Variants in LMBRD2 observed in about 807,000 individuals in gnomAD.
LMBRD2 encodes the protein G protein-coupled receptor-associated protein LMBRD2.
A neutral mutation model predicts 94.4 loss-of-function variants in LMBRD2; 55 were observed. That is an observed-to-expected ratio of 0.58 (90% CI 0.47 to 0.73). The LOEUF (loss-of-function observed/expected upper bound fraction) is 0.73, where lower values mean the gene tolerates loss of function less well. LMBRD2 is among the 30% of genes least tolerant of loss of function. LMBRD2 has a pLI of 0.00. For missense variants in LMBRD2, 640 were observed against 831.9 expected (o/e 0.77, Z 2.84); for synonymous variants, 246 against 272.4 (o/e 0.90, Z 0.95).
intron 6 of LMBRD2, among the ~76,000 whole-genome samples, chr5:36,134,229 A>G (rs1237428814): frequency 6.6e-6 from 1 of 152,160 alleles, no homozygotes. Context: ...TCACTCCTAC[A>G]TTTAAATCAA....
intron 1 of LMBRD2, among the ~76,000 whole-genome samples, chr5:36,150,357 T>G (rs1191169429): frequency 6.6e-6 from 1 of 152,224 alleles, no homozygotes; most frequent in Non-Finnish European, 1.5e-5. Context: ...ATCTATGAGA[T>G]CTATATCTGA....
intron 6 of LMBRD2, among the ~76,000 whole-genome samples, chr5:36,126,399 T>G (rs1453745924): frequency 1.3e-5 from 2 of 152,242 alleles, no homozygotes; most frequent in Non-Finnish European, 2.9e-5. Context: ...ATAATTTTAA[T>G]AAAGCATGGA....
intron 6 of LMBRD2, among the ~76,000 whole-genome samples, chr5:36,125,293 G>C (rs909848398): frequency 4.6e-5 from 7 of 152,196 alleles, no homozygotes; most frequent in Admixed American, 2.0e-4. Flanking sequence ...AGAGAAGTGA[G>C]CAGGATATTT....
Position 36,142,680 on chromosome 5 carries a change from A to G in LMBRD2, c.175-81T>C, listed in dbSNP as rs962888785. The G allele has an allele frequency of 6.3e-6, 5 of 789,886 alleles. No homozygotes were observed. In the African/African-American group the frequency reaches 6.9e-5, roughly 11 times the overall value. The allele number at this position is 789,886 out of a possible 1,614,324, so 48.9% of individuals were successfully genotyped here. On this transcript the variant is annotated intron_variant, in intron 2 of 17. Coordinates refer to ENST00000296603, the MANE Select transcript of LMBRD2 (RefSeq NM_001007527.2). ...AAAGGACATCAGAGTTTATAAATCT[A>G]TCTATCTAAACTTACCTTCTTGGCT...
rs191711543 is a variant in LMBRD2 at position 36,122,950 on chromosome 5, C to T, written c.834G>A (p.Glu278=). ...TGTTCCTACCCATTTTTTCCTGATACTCTGTAGGGCACTAAAAAAAAAAAA... is the reference window on the plus strand; with the variant it reads ...TGTTCCTACCCATTTTTTCCTGATATTCTGTAGGGCACTAAAAAAAAAAAA... ...VDTILKKCPT[E]YQEKMGRNMD... Residue 278 remains glutamate (E), a synonymous_variant, in exon 8 of 18, where the codon GAG becomes GAA. Transcript: ENST00000296603. 1.3e-4 allele frequency: 194 copies of T among 1,508,172 alleles called. 1 individual carries two copies. In the East Asian group the frequency reaches 4.4e-3, roughly 34 times the overall value. 93.4% of individuals were successfully genotyped at this position (1,508,172 alleles called of 1,614,324 possible). A position where few individuals can be genotyped will look rare whatever the true frequency, so the allele number is the denominator to read the frequency against.
intron 16 of LMBRD2, 145 bp downstream of exon 16, chr5:36,108,389 A>G: frequency 2.1e-6 from 1 of 478,520 alleles, no homozygotes; most frequent in Non-Finnish European, 3.8e-6. Context: ...ATACTGAGGA[A>G]TGCAGAAAAA....
At chr5:36,138,352 T>C (rs1744320554) in intron 4 of LMBRD2, among the ~76,000 whole-genome samples, 1 of 152,166 alleles carries the variant, frequency 6.6e-6, no homozygotes, top group Admixed American at 6.5e-5. Flanking sequence ...CATATACATA[T>C]AATGGGGTAT....
chr5:36,105,300 T>A (rs776522011), intron 16 of LMBRD2, 103 bp from the exon 17 acceptor site: 36 of 1,000,104 alleles, frequency 3.6e-5, no homozygotes, highest in Non-Finnish European at 4.9e-5. Context: ...CCAAGGAATC[T>A]GAAGACAAAG....
chr5:36,135,142 A>G (rs1744240480), intron 6 of LMBRD2, among the ~76,000 whole-genome samples: 1 of 152,158 alleles, frequency 6.6e-6, no homozygotes, highest in Non-Finnish European at 1.5e-5. Context: ...CTGGCCCTTT[A>G]CAGAAAAGTT....
chr5:36,121,443 C>T (rs927935512), intron 9 of LMBRD2, among the ~76,000 whole-genome samples: 17 of 152,284 alleles, frequency 1.1e-4, no homozygotes, highest in African/African-American at 4.1e-4. Flanking sequence ...AATACTATGA[C>T]ACTTTGGTAC....
intron 1 of LMBRD2, among the ~76,000 whole-genome samples, chr5:36,150,975 T>A (rs1028947767): frequency 1.3e-5 from 2 of 152,264 alleles, no homozygotes; most frequent in Non-Finnish European, 2.9e-5. Context: ...ATGAACTTTA[T>A]AAATCTTCAT....
intron 6 of LMBRD2, among the ~76,000 whole-genome samples, chr5:36,126,354 T>C (rs1316400980): frequency 6.6e-6 from 1 of 152,234 alleles, no homozygotes; most frequent in Non-Finnish European, 1.5e-5. Context: ...ACATTTGCTA[T>C]ATCTATTATA....
intron 10 of LMBRD2, among the ~76,000 whole-genome samples, chr5:36,117,167 A>G (rs1743767421): frequency 6.6e-6 from 1 of 152,086 alleles, no homozygotes; most frequent in South Asian, 2.1e-4. Context: ...TCTTCACATG[A>G]GGCCTATAAG....
In LMBRD2 at chr5:36,101,400, A is replaced by G. The variant is rs905652180; in HGVS notation, c.*2646T>C. On this transcript the variant is annotated 3_prime_UTR_variant, in exon 18 of 18. Coordinates refer to ENST00000296603, the MANE Select transcript of LMBRD2 (RefSeq NM_001007527.2). ...GAATAATTTGGAAAATTTTAAACTA[A>G]TACTTATTATCAAGTAATAAAGTCA... 11 of 152,068 alleles carry G rather than the reference A, an allele frequency of 7.2e-5. No homozygotes were observed. The highest frequency in any genetic ancestry group is 5.2e-4 in the Admixed American group (8 of 15,260). The allele number at this position is 152,068 out of a possible 1,614,324, so 9.4% of individuals were successfully genotyped here. A position where few individuals can be genotyped will look rare whatever the true frequency, so the allele number is the denominator to read the frequency against.
Position 36,115,045 on chromosome 5 carries a change from G to A in LMBRD2, c.1512C>T (p.His504=), listed in dbSNP as rs762034857. Reference sequence around the variant, plus strand: ...TATAAGCAGTTGGTTGAGTATTCTTGTGAGAGATAGATGAATCCATATGGG... The same window carrying A: ...TATAAGCAGTTGGTTGAGTATTCTTATGAGAGATAGATGAATCCATATGGG... ...GLTHMDSSIS[H]KNTQPTAYTS... Residue 504 remains histidine, a synonymous_variant, in exon 12 of 18, where the codon CAC becomes CAT. Coordinates refer to ENST00000296603, the MANE Select transcript of LMBRD2 (RefSeq NM_001007527.2). The A allele has an allele frequency of 5.0e-6, 8 of 1,610,268 alleles. No individual in the cohort carries two copies. The African/African-American group carries it at 8.0e-5, about 16-fold the overall frequency.
Position 36,111,259 on chromosome 5 carries a change from C to G in LMBRD2, c.1641-1G>C. The G allele has an allele frequency of 6.3e-7, 1 of 1,595,768 alleles. No homozygotes were observed. ...CAGATTCAAACAACGGGTTCCCAAA[C>G]TAATAAAAGCAGATTTTTTAAAAAG... On this transcript the variant is annotated splice_acceptor_variant, in intron 13 of 17. Transcript: ENST00000296603. LOFTEE classifies it high-confidence loss of function.
At chr5:36,118,907 A>G (rs1266616165) in intron 9 of LMBRD2, among the ~76,000 whole-genome samples, 1 of 151,968 alleles carries the variant, frequency 6.6e-6, no homozygotes, top group African/African-American at 2.4e-5. Flanking sequence ...GTTAGCCAGG[A>G]TGGTCTCAAT....
At chr5:36,113,221 A>C (rs1194174757) in intron 13 of LMBRD2, among the ~76,000 whole-genome samples, 2 of 152,142 alleles carry the variant, frequency 1.3e-5, no homozygotes, top group African/African-American at 4.8e-5. Flanking sequence ...ATGGAAAAGC[A>C]TCGTGAAAAT....
In LMBRD2 at chr5:36,127,565, C is replaced by T. The variant is rs543177361; in HGVS notation, c.748-3300G>A. On this transcript the variant is annotated intron_variant, in intron 6 of 17. Transcript: ENST00000296603. Reference sequence around the variant, plus strand: ...CCTGAAGGGAAAGTCCCAGGCATGGCAGCATTCACCAAAAGCTGACTGAAG... The same window carrying T: ...CCTGAAGGGAAAGTCCCAGGCATGGTAGCATTCACCAAAAGCTGACTGAAG... Among the ~76,000 whole-genome samples the T allele has an allele frequency of 2.1e-4, 32 of 152,270 alleles. No individual in the cohort carries two copies. The South Asian group carries it at 5.6e-3, about 27-fold the overall frequency.
Sources: gnomAD v4.1 joint callset for allele counts (sites outside exome capture counted in the v4.1 genomes callset) on GRCh38, gnomAD v4.1.1 for gene constraint, MANE v1.5 for transcripts, NCBI Gene and HGNC (gene_info 2026-07-23, HGNC 2026-07-21) for gene names.